The following CREB5 variants were observed in gnomAD, a reference collection of about 807,000 sequenced individuals.
CREB5 encodes cAMP responsive element binding protein 5, also known as cyclic AMP-responsive element-binding protein 5.
CREB5 carries 19 observed loss-of-function variants against 57.1 expected under a neutral mutation model. That is an observed-to-expected ratio of 0.33 (90% confidence interval 0.23 to 0.49). The LOEUF (loss-of-function observed/expected upper bound fraction) is 0.49, where lower values mean the gene tolerates loss of function less well. CREB5 is among the 20% of genes least tolerant of loss of function. CREB5 has a pLI of 0.99. For synonymous variants in CREB5, 238 were observed against 238.3 expected, an observed-to-expected ratio of 1.00 and a Z score of 0.01; for missense variants, 579 against 671.6, an observed-to-expected ratio of 0.86 and a Z score of 1.52.
chr7:28,459,969 C>A (rs555805989), intron 1 of CREB5, among the ~76,000 whole-genome samples: 1 of 152,130 alleles, frequency 6.6e-6, no homozygotes, highest in African/African-American at 2.4e-5. Context: ...GACTTTGAGG[C>A]GAATGATTTT....
rs944492126 is a variant in CREB5 at position 28,682,984 on chromosome 7, C to G, written c.465-35769C>G. Among the ~76,000 whole-genome samples, 4 of 152,162 alleles carry G rather than the reference C, an allele frequency of 2.6e-5. No individual in the cohort carries two copies. In the South Asian group the frequency reaches 8.3e-4, roughly 31 times the overall value. ...GTGAGTGAGTTACACCGAACAGCTG[C>G]GCGGTACCCACCACCCTCTCCCCAA... On this transcript the variant is annotated intron_variant, in intron 5 of 10. Transcript: ENST00000357727.
chr7:28,393,463 T>C (rs1189424525), intron 1 of CREB5, among the ~76,000 whole-genome samples: 3 of 152,228 alleles, frequency 2.0e-5, no homozygotes, highest in African/African-American at 7.2e-5. Flanking sequence ...CTGGTATCAT[T>C]GCTTTTTCTT....
intron 7 of CREB5, among the ~76,000 whole-genome samples, chr7:28,790,739 C>A (rs1004769743): frequency 2.0e-5 from 3 of 152,206 alleles, no homozygotes; most frequent in Non-Finnish European, 4.4e-5. Flanking sequence ...ATGCAGAAGG[C>A]CCTTCCCCTG....
At chr7:28,644,459 A>G (rs1798811385) in intron 5 of CREB5, among the ~76,000 whole-genome samples, 1 of 150,252 alleles carries the variant, frequency 6.7e-6, no homozygotes, top group South Asian at 2.3e-4. Flanking sequence ...ATTGAGTCCC[A>G]TTATGGTAAA....
At chr7:28,439,171 C>G (rs1001904153) in intron 1 of CREB5, among the ~76,000 whole-genome samples, 3 of 152,124 alleles carry the variant, frequency 2.0e-5, no homozygotes. Context: ...TCCTCTGTAT[C>G]GTAAGCTCTA....
At chr7:28,340,824 G>A (rs540423709) in intron 1 of CREB5, among the ~76,000 whole-genome samples, 2 of 152,286 alleles carry the variant, frequency 1.3e-5, no homozygotes, top group African/African-American at 4.8e-5. Context: ...ACTGGGATGG[G>A]TGATTCCCCT....
chr7:28,460,574 A>G (rs1464868893), intron 1 of CREB5, among the ~76,000 whole-genome samples: 2 of 152,170 alleles, frequency 1.3e-5, no homozygotes, highest in African/African-American at 4.8e-5. Flanking sequence ...TAAGGGCAAA[A>G]GGGCATGGAA....
chr7:28,697,125 G>A (rs146482646), intron 5 of CREB5, among the ~76,000 whole-genome samples: 391 of 151,894 alleles, frequency 2.6e-3, no homozygotes, highest in African/African-American at 8.5e-3. Flanking sequence ...TTTTTACTGC[G>A]TATAACATTA....
intron 5 of CREB5, among the ~76,000 whole-genome samples, chr7:28,691,428 A>AAC: frequency 6.6e-6 from 1 of 151,894 alleles, no homozygotes. Context: ...TCCAAAAAAA[A>AAC]AAAAAAAAAA....
At chr7:28,439,196 T>C (rs1405290900) in intron 1 of CREB5, among the ~76,000 whole-genome samples, 1 of 152,186 alleles carries the variant, frequency 6.6e-6, no homozygotes, top group Non-Finnish European at 1.5e-5. Flanking sequence ...GCAGGCAGAA[T>C]GAAAAACCAG....
At chr7:28,670,910 G>C (rs1184830936) in intron 5 of CREB5, among the ~76,000 whole-genome samples, 1 of 152,102 alleles carries the variant, frequency 6.6e-6, no homozygotes, top group Non-Finnish European at 1.5e-5. Context: ...TGCCTAGGCT[G>C]GTCTCGAACT....
At chr7:28,444,378 C>T (rs977888352) in intron 1 of CREB5, among the ~76,000 whole-genome samples, 1 of 152,128 alleles carries the variant, frequency 6.6e-6, no homozygotes, top group Non-Finnish European at 1.5e-5. Context: ...TATCTCCTTT[C>T]TCAACATGGC....
chr7:28,392,351 C>T lies in CREB5; in HGVS notation c.-25+92910C>T, dbSNP rs557783350. Among the ~76,000 whole-genome samples, 22 of 152,306 alleles carry T rather than the reference C, an allele frequency of 1.4e-4. No individual in the cohort carries two copies. The South Asian group carries it at 4.6e-3, about 32-fold the overall frequency. On this transcript the variant is annotated intron_variant, in intron 1 of 9. Coordinates refer to the CREB5 transcript ENST00000396299. ...ACCATTCTTGATCTAAGGGACTGCT[C>T]TAAGCCTCAGCAGATCCTGGTCTCT...
chr7:28,385,013 C>T (rs1787058177), intron 1 of CREB5, among the ~76,000 whole-genome samples: 1 of 151,748 alleles, frequency 6.6e-6, no homozygotes, highest in Non-Finnish European at 1.5e-5. Flanking sequence ...AAAAAAAATC[C>T]AAGTATTAAC....
chr7:28,355,841 C>T (rs1410187434), intron 1 of CREB5, among the ~76,000 whole-genome samples: 1 of 152,204 alleles, frequency 6.6e-6, no homozygotes, highest in Non-Finnish European at 1.5e-5. Context: ...TCGGGGCTGT[C>T]ACAGAGCGTA....
At chr7:28,572,187 G>A (rs968417821) in intron 5 of CREB5, among the ~76,000 whole-genome samples, 18 of 152,302 alleles carry the variant, frequency 1.2e-4, no homozygotes, top group African/African-American at 4.1e-4. Flanking sequence ...GAGAGTAATG[G>A]GTAATGGGTA....
At chr7:28,441,978 G>A (rs1023727456) in intron 1 of CREB5, among the ~76,000 whole-genome samples, 9 of 151,966 alleles carry the variant, frequency 5.9e-5, no homozygotes, top group African/African-American at 1.7e-4. Flanking sequence ...CTAGCTTTTT[G>A]AAAATGTACA....
intron 5 of CREB5, among the ~76,000 whole-genome samples, chr7:28,588,848 T>A (rs541350918): frequency 2.6e-4 from 39 of 152,202 alleles, no homozygotes; most frequent in Non-Finnish European, 2.6e-4. Context: ...AGATTGTGAA[T>A]CTGGATTAGA....
chr7:28,640,371 T>C (rs759223093), intron 5 of CREB5, among the ~76,000 whole-genome samples: 11 of 152,214 alleles, frequency 7.2e-5, no homozygotes, highest in Non-Finnish European at 1.5e-4. Context: ...AACACTATGA[T>C]ATTGGTGAAA....
Sources: gnomAD v4.1 joint callset for allele counts (sites outside exome capture counted in the v4.1 genomes callset) on GRCh38, gnomAD v4.1.1 for gene constraint, MANE v1.5 for transcripts, NCBI Gene and HGNC (gene_info 2026-07-23, HGNC 2026-07-21) for gene names.